Variants in ENO4 observed in about 807,000 individuals in gnomAD.
The protein encoded by ENO4 is enolase 4.
In ENO4, 53 loss-of-function variants were observed where a neutral mutation model predicts 63.2. That is an observed-to-expected ratio of 0.84 (90% CI 0.67 to 1.05). The LOEUF (loss-of-function observed/expected upper bound fraction) is 1.05. Among genes scored for constraint, ENO4 ranks in the 50% least tolerant of loss-of-function variants. ENO4 has a pLI of 0.00. For synonymous variants in ENO4, 266 were observed against 283.8 expected, an observed-to-expected ratio of 0.94 and a Z score of 0.63; for missense variants, 719 against 772.0, an observed-to-expected ratio of 0.93 and a Z score of 0.81.
intron 10 of ENO4, among the ~76,000 whole-genome samples, chr10:116,890,863 T>G (rs1847323104): frequency 6.6e-6 from 1 of 152,266 alleles, no homozygotes; most frequent in Non-Finnish European, 1.5e-5. Context: ...CAGTGATTTC[T>G]CAGACTGTGT....
intron 10 of ENO4, among the ~76,000 whole-genome samples, chr10:116,896,342 A>G (rs1485045568): frequency 1.3e-5 from 2 of 152,166 alleles, no homozygotes; most frequent in Non-Finnish European, 2.9e-5. Context: ...TATGTTTCAG[A>G]AACATTAATT....
At chr10:116,895,209 G>C (rs962442259) in intron 10 of ENO4, among the ~76,000 whole-genome samples, 2 of 151,928 alleles carry the variant, frequency 1.3e-5, no homozygotes, top group Non-Finnish European at 2.9e-5. Context: ...CAATGATTAC[G>C]GTCAGAAATT....
At chr10:116,910,653 A>G (rs1848156262) in intron 10 of ENO4, among the ~76,000 whole-genome samples, 1 of 152,238 alleles carries the variant, frequency 6.6e-6, no homozygotes, top group Non-Finnish European at 1.5e-5. Flanking sequence ...ACTGTGCCCC[A>G]GAGGACATCT....
At chr10:116,850,299 A>G (rs924355161) in intron 1 of ENO4, 9 of 161,950 alleles carry the variant, frequency 5.6e-5, no homozygotes, top group Admixed American at 3.7e-4. Flanking sequence ...CCCTGGACCA[A>G]CCGTCCTTCT....
At position 116,881,635 on chromosome 10, in the gene ENO4, A is replaced by C; in HGVS notation, c.1844A>C (p.Glu615Ala). Residue 615 changes from glutamate to alanine, a missense_variant, in exon 14 of 14, where the codon GAG (glutamate) becomes GCG (alanine). This residue lies in a region of ENO4 where 168 missense variants were observed against 163.3 expected (regional missense o/e 1.03). Transcript: ENST00000341276. Reference protein sequence around the residue: ...LVPTFPTQGVEESAETGASSG With the variant: ...LVPTFPTQGVAESAETGASSG ...CCCACCTTCCCCACACAAGGTGTAG[A>C]GGAATCAGCCGAAACAGGAGCATCC... is the stretch of plus-strand genomic sequence containing the variant. The C allele has an allele frequency of 6.5e-7, 1 of 1,548,908 alleles. No individual in the cohort carries two copies. The highest frequency in any genetic ancestry group is 8.7e-7 in the Non-Finnish European group (1 of 1,146,254).
chr10:116,893,233 G>T (rs1847394955), intron 10 of ENO4, among the ~76,000 whole-genome samples: 1 of 151,996 alleles, frequency 6.6e-6, no homozygotes, highest in African/African-American at 2.4e-5. Context: ...GGCAGCGGGG[G>T]AAGGAAAAAA....
chr10:116,853,294 C>CAAA lies in ENO4; in HGVS notation c.166-2311_166-2309dup, dbSNP rs56885650. Among the ~76,000 whole-genome samples the CAAA allele has an allele frequency of 6.2e-4, 60 of 96,572 alleles. 1 individual carries two copies. The highest frequency in any genetic ancestry group is 8.4e-4 in the African/African-American group (20 of 23,806). The allele number at this position is 96,572 out of a possible 152,430, so 63.4% of individuals were successfully genotyped here. On this transcript the variant is annotated intron_variant, in intron 1 of 13. Coordinates refer to ENST00000341276, the MANE Select transcript of ENO4 (RefSeq NM_001242699.2). ...TGGGTGACAGAGTGAGACTCCGTCT[C>CAAA]AAAAAAAAAAAAAAAAAAAACCAAA...
intron 1 of ENO4, among the ~76,000 whole-genome samples, chr10:116,855,248 A>G (rs1024216510): frequency 6.6e-6 from 1 of 151,840 alleles, no homozygotes; most frequent in African/African-American, 2.4e-5. Context: ...AGCCGAGATC[A>G]CACCACTGCA....
chr10:116,902,157 G>A (rs17095425), intron 10 of ENO4, among the ~76,000 whole-genome samples: 5,070 of 152,192 alleles, frequency 0.033, 228 homozygotes, highest in East Asian at 0.1. Flanking sequence ...CCAGGACCAC[G>A]CTGAGAAATT....
intron 10 of ENO4, among the ~76,000 whole-genome samples, chr10:116,893,180 C>A (rs1173037343): frequency 1.3e-5 from 2 of 152,122 alleles, no homozygotes; most frequent in Non-Finnish European, 2.9e-5. Context: ...GTAAGACAAT[C>A]CTGACAGGCG....
intron 1 of ENO4, among the ~76,000 whole-genome samples, chr10:116,851,881 G>A (rs894688175): frequency 1.3e-5 from 2 of 151,956 alleles, no homozygotes; most frequent in African/African-American, 4.8e-5. Flanking sequence ...CCCCTTGACT[G>A]GCACTGAAAC....
In ENO4 at chr10:116,889,866, A is replaced by G. The variant is rs564871058; in HGVS notation, c.1194+9880A>G. Among the ~76,000 whole-genome samples the G allele has an allele frequency of 1.4e-4, 21 of 152,200 alleles. No individual in the cohort carries two copies. The East Asian group carries it at 4.0e-3, about 29-fold the overall frequency. On this transcript the variant is annotated intron_variant, in intron 10 of 10. Coordinates refer to the ENO4 transcript ENST00000369207. ...TTTTAATTTTTCCCCTGTGGTTTGT[A>G]GCTCCTCCTGGCTTGACATCACTAG...
chr10:116,888,195 T>G (rs774879483), intron 10 of ENO4, among the ~76,000 whole-genome samples: 30 of 152,168 alleles, frequency 2.0e-4, no homozygotes, highest in Admixed American at 1.2e-3. Flanking sequence ...TTTGCCTGAT[T>G]ATGGCACCAT....
rs1482647012 is a variant in ENO4, at chr10:116,861,149, G to A, written c.895G>A (p.Glu299Lys). 6.5e-7 allele frequency: 1 copy of A among 1,542,052 alleles called. No individual in the cohort carries two copies. Among genetic ancestry groups the A allele is most frequent in the Admixed American group, 2.0e-5 (1 of 50,290 alleles). ...ATCTGGGAAGCTAAATTTAATGAAAGAAGTGATTTGTATACCCCATCCTGA... is the reference window on the plus strand; with the variant it reads ...ATCTGGGAAGCTAAATTTAATGAAAAAAGTGATTTGTATACCCCATCCTGA... ...SSSGKLNLMK[E>K]VICIPHPELT... Residue 299 changes from glutamate (E) to lysine (K), a missense_variant, in exon 6 of 14, where the codon GAA becomes AAA. This residue lies in a region of ENO4 where 544 missense variants were observed against 583.6 expected (regional missense o/e 0.93). Coordinates refer to ENST00000341276, the MANE Select transcript of ENO4 (RefSeq NM_001242699.2).
At chr10:116,860,050 G>C (rs1440302631) in intron 4 of ENO4, among the ~76,000 whole-genome samples, 3 of 152,196 alleles carry the variant, frequency 2.0e-5, no homozygotes, top group African/African-American at 7.2e-5. Context: ...ATAGAATGTG[G>C]AACTTAAGGG....
chr10:116,865,631 A>C (rs1389272123), intron 7 of ENO4, among the ~76,000 whole-genome samples: 1 of 152,214 alleles, frequency 6.6e-6, no homozygotes, highest in Non-Finnish European at 1.5e-5. Flanking sequence ...CTCAACCAGC[A>C]GTGATTTTGC....
downstream of ENO4, chr10:116,884,415 T>TA: frequency 2.7e-6 from 1 of 367,544 alleles, no homozygotes; most frequent in South Asian, 2.0e-5. Context: ...GTAAGCAGCT[T>TA]AAAAAAGGCA....
intron 7 of ENO4, 172 bp from the exon 8 acceptor site, chr10:116,868,478 A>G: frequency 1.4e-6 from 1 of 711,510 alleles, no homozygotes; most frequent in South Asian, 1.5e-5. Flanking sequence ...CATATAAAGT[A>G]GGGAGTGGCT....
downstream of ENO4, chr10:116,886,696 T>TG: frequency 8.1e-7 from 1 of 1,232,484 alleles, no homozygotes; most frequent in Non-Finnish European, 1.1e-6. Context: ...TATAGTAGTC[T>TG]TTGAGATGCC....
Sources: gnomAD v4.1 joint callset for allele counts (sites outside exome capture counted in the v4.1 genomes callset) on GRCh38, gnomAD v4.1.1 for gene constraint, gnomAD v4.1.1 regional missense constraint, MANE v1.5 for transcripts, NCBI Gene and HGNC (gene_info 2026-07-23, HGNC 2026-07-21) for gene names.